Variants in NCKAP5 observed in about 807,000 individuals in gnomAD.
The protein encoded by NCKAP5 is nck-associated protein 5.
NCKAP5 carries 92 observed loss-of-function variants against 167.0 expected under a neutral mutation model. The ratio of observed to expected loss-of-function variants is 0.55; its 90% CI spans 0.47 to 0.66. The LOEUF is 0.66. Ranked by LOEUF, NCKAP5 falls within the 30% of genes least tolerant of loss-of-function variation. The pLI is 0.00. For synonymous variants in NCKAP5, 891 were observed against 877.4 expected (o/e 1.02, Z -0.27); for missense variants, 2,378 against 2,315.0 (o/e 1.03, Z -0.56).
intron 16 of NCKAP5, among the ~76,000 whole-genome samples, chr2:132,770,670 CA>C (rs1334371058): frequency 6.6e-6 from 1 of 151,986 alleles, no homozygotes; most frequent in Non-Finnish European, 1.5e-5. Flanking sequence ...CACCATCCAA[CA>C]GAACACTGAT....
chr2:133,219,807 C>T (rs1330188608), intron 4 of NCKAP5, among the ~76,000 whole-genome samples: 1 of 151,846 alleles, frequency 6.6e-6, no homozygotes, highest in African/African-American at 2.4e-5. Flanking sequence ...AAGTTCTTGA[C>T]ATGGTAAAAA....
At chr2:133,606,117 G>A in the NCKAP5 span, among the ~76,000 whole-genome samples, 2 of 147,492 alleles carry the variant, frequency 1.4e-5, no homozygotes, top group East Asian at 4.1e-4. Flanking sequence ...AAACTAACCA[G>A]AATCAGATTC....
At chr2:132,771,491 T>C (rs12614093) in intron 16 of NCKAP5, among the ~76,000 whole-genome samples, 31,019 of 152,134 alleles carry the variant, frequency 0.2, 3,755 homozygotes, top group Non-Finnish European at 0.28. Flanking sequence ...AATTTATTAT[T>C]GAAGAAATTT....
chr2:132,962,684 A>G (rs902738410), intron 8 of NCKAP5, among the ~76,000 whole-genome samples: 3 of 151,982 alleles, frequency 2.0e-5, no homozygotes, highest in African/African-American at 4.8e-5. Context: ...TCCGCCTCCC[A>G]GGTTCACGCC....
chr2:133,230,420 G>A (rs2150245507), intron 4 of NCKAP5, among the ~76,000 whole-genome samples: 1 of 152,294 alleles, frequency 6.6e-6, no homozygotes, highest in Admixed American at 6.5e-5. Context: ...CAAAGTATGA[G>A]TGAGCCAGAT....
chr2:133,618,305 G>A, the NCKAP5 span, among the ~76,000 whole-genome samples: 1 of 149,518 alleles, frequency 6.7e-6, no homozygotes, highest in Non-Finnish European at 1.5e-5. Context: ...TTGACAAATG[G>A]GATCTAATTA....
At chr2:132,889,244 A>C (rs1319324215) in intron 8 of NCKAP5, among the ~76,000 whole-genome samples, 3 of 152,180 alleles carry the variant, frequency 2.0e-5, no homozygotes, top group African/African-American at 4.8e-5. Context: ...GTCCTCCCCA[A>C]ATTTCTGACC....
intron 3 of NCKAP5, among the ~76,000 whole-genome samples, chr2:133,384,638 A>G (rs1322539629): frequency 6.6e-6 from 1 of 152,162 alleles, no homozygotes; most frequent in Non-Finnish European, 1.5e-5. Context: ...TCTATAAATT[A>G]CCTTGGGCAA....
intron 6 of NCKAP5, among the ~76,000 whole-genome samples, chr2:133,050,802 G>A (rs766414661): frequency 1.3e-5 from 2 of 152,140 alleles, no homozygotes; most frequent in African/African-American, 4.8e-5. Flanking sequence ...TGAATAAAAG[G>A]TCACTTACTT....
chr2:133,115,393 A>G (rs1283409883), intron 6 of NCKAP5, among the ~76,000 whole-genome samples: 3 of 152,144 alleles, frequency 2.0e-5, no homozygotes, highest in African/African-American at 7.2e-5. Flanking sequence ...TCCCACTACA[A>G]GTGTACAAGC....
chr2:132,960,144 G>C (rs1009090817), intron 8 of NCKAP5, among the ~76,000 whole-genome samples: 4 of 152,190 alleles, frequency 2.6e-5, no homozygotes, highest in Admixed American at 1.3e-4. Context: ...GAAAGAGAGA[G>C]AGTGTGTATA....
In NCKAP5 at chr2:133,246,332, C is replaced by T. The variant is rs76107795; in HGVS notation, c.144-32553G>A. On this transcript the variant is annotated intron_variant, in intron 4 of 19. Transcript: ENST00000409261. Reference sequence around the variant, plus strand: ...AAAAGCTTGTTAAAAATATGTATCCCTTTAACAATACTGCTTGTCTCTGGA... The same window carrying T: ...AAAAGCTTGTTAAAAATATGTATCCTTTTAACAATACTGCTTGTCTCTGGA... Among the ~76,000 whole-genome samples, 3 of 152,144 alleles carry T rather than the reference C, an allele frequency of 2.0e-5. No individual in the cohort carries two copies. In the East Asian group the frequency reaches 5.8e-4, roughly 29 times the overall value.
intron 10 of NCKAP5, among the ~76,000 whole-genome samples, chr2:132,861,502 A>C (rs749411492): frequency 2.8e-5 from 1 of 35,194 alleles, no homozygotes; most frequent in African/African-American, 2.7e-4. Context: ...TGATGTTAAT[A>C]AAAAAAAAAA....
chr2:132,939,246 G>C (rs1024819263), intron 8 of NCKAP5, among the ~76,000 whole-genome samples: 7 of 152,192 alleles, frequency 4.6e-5, no homozygotes, highest in African/African-American at 1.7e-4. Context: ...GGAAAGTTGA[G>C]AGGGCAGTAC....
At chr2:133,472,430 T>C (rs1317997810) in intron 3 of NCKAP5, among the ~76,000 whole-genome samples, 2 of 152,076 alleles carry the variant, frequency 1.3e-5, no homozygotes, top group African/African-American at 2.4e-5. Context: ...CTTGGTGCAA[T>C]GGAGTTTTGG....
At position 132,781,917 on chromosome 2, in the gene NCKAP5, T is replaced by C. The variant is rs758237140; in HGVS notation, c.4871+23A>G. On this transcript the variant is annotated intron_variant, in intron 14 of 19. Transcript: ENST00000409261. ...TGGTGGAGGGACCCCTCTACATTGCTACCTGCTTTTCCAGTGAGTTACCTG... is the reference window on the plus strand; with the variant it reads ...TGGTGGAGGGACCCCTCTACATTGCCACCTGCTTTTCCAGTGAGTTACCTG... The C allele has an allele frequency of 9.4e-6, 15 of 1,592,528 alleles. No homozygotes were observed. In the South Asian group the frequency reaches 1.1e-4, roughly 12 times the overall value.
intron 8 of NCKAP5, 119 bp downstream of exon 8, chr2:132,963,601 C>G (rs2076580201): frequency 9.6e-7 from 1 of 1,041,826 alleles, no homozygotes; most frequent in Non-Finnish European, 1.4e-6. Flanking sequence ...AATCGTAGAT[C>G]ATATTAGTCT....
Position 132,907,088 on chromosome 2 carries a change from G to A in NCKAP5, c.580-28172C>T, listed in dbSNP as rs115028376. On this transcript the variant is annotated intron_variant, in intron 8 of 19. Transcript: ENST00000409261. Reference sequence around the variant, plus strand: ...AAATATGCAAGAGCAGAAACATAGGGAATTTAGCCTTTTCCTAACATTATT... The same window carrying A: ...AAATATGCAAGAGCAGAAACATAGGAAATTTAGCCTTTTCCTAACATTATT... Among the ~76,000 whole-genome samples, 1,441 of 152,222 alleles carry A rather than the reference G, an allele frequency of 9.5e-3. 13 individuals carry two copies. Among genetic ancestry groups the A allele is most frequent in the Middle Eastern group, 0.02 (6 of 294 alleles).
intron 4 of NCKAP5, among the ~76,000 whole-genome samples, chr2:133,242,395 T>C (rs1374396126): frequency 6.6e-6 from 1 of 152,138 alleles, no homozygotes; most frequent in African/African-American, 2.4e-5. Context: ...ATGGAGGTGA[T>C]ACCCAAATAT....
Sources: allele counts gnomAD v4.1 joint callset (sites outside exome capture counted in the v4.1 genomes callset), GRCh38; gene constraint gnomAD v4.1.1; transcripts MANE v1.5; gene names NCBI Gene and HGNC (gene_info 2026-07-23, HGNC 2026-07-21).